Variants in CR1 observed in about 807,000 individuals in gnomAD.
The protein encoded by CR1 is complement C3b/C4b receptor 1 (Knops blood group), also known as complement receptor type 1.
A neutral mutation model predicts 187.3 loss-of-function variants in CR1; 116 were observed. The observed-to-expected ratio is 0.62, with a 90% CI of 0.53 to 0.72. The LOEUF is 0.72. CR1 is among the 30% of genes least tolerant of loss of function. CR1 has a pLI of 0.00. For synonymous variants in CR1, 576 were observed against 747.1 expected, an observed-to-expected ratio of 0.77 and a Z score of 3.73; for missense variants, 1,731 against 2,110.7, an observed-to-expected ratio of 0.82 and a Z score of 3.52.
chr1:207,632,667 G>A (rs937169858), intron 46 of CR1, among the ~76,000 whole-genome samples: 9 of 151,982 alleles, frequency 5.9e-5, no homozygotes, highest in South Asian at 2.1e-4. Context: ...GCGTGGTGGT[G>A]GGCGCCTGTA....
chr1:207,612,527 T>C (rs1267786930), intron 39 of CR1, among the ~76,000 whole-genome samples: 1 of 152,244 alleles, frequency 6.6e-6, no homozygotes, highest in Non-Finnish European at 1.5e-5. Context: ...GCCAGTGTAA[T>C]TCTTTTAATG....
intron 3 of CR1, among the ~76,000 whole-genome samples, chr1:207,508,191 T>C (rs1347516773): frequency 6.6e-6 from 1 of 152,188 alleles, no homozygotes; most frequent in African/African-American, 2.4e-5. Context: ...GTAGTGAAAC[T>C]ACTCTGTATG....
At chr1:207,607,176 T>C in intron 35 of CR1, 75 bp from the exon 36 acceptor site, 1 of 1,154,638 alleles carries the variant, frequency 8.7e-7, no homozygotes, top group Non-Finnish European at 1.3e-6. Flanking sequence ...AATGTCTACC[T>C]GCTATTATTT....
At chr1:207,501,384 T>C (rs1659263967) in intron 1 of CR1, among the ~76,000 whole-genome samples, 1 of 152,234 alleles carries the variant, frequency 6.6e-6, no homozygotes, top group Non-Finnish European at 1.5e-5. Flanking sequence ...CAAATACTCA[T>C]CAATCATTGT....
intron 46 of CR1, among the ~76,000 whole-genome samples, chr1:207,636,490 T>C (rs115922103): frequency 0.038 from 5,808 of 152,252 alleles, 179 homozygotes; most frequent in South Asian, 0.12. Context: ...CTGGAAACGA[T>C]GGTCTAAGTT....
At chr1:207,614,605 A>T in intron 40 of CR1, 116 bp downstream of exon 40, 2 of 716,824 alleles carry the variant, frequency 2.8e-6, no homozygotes, top group Non-Finnish European at 4.5e-6. Context: ...TTATGGATAA[A>T]AATACTTCTT....
intron 42 of CR1, among the ~76,000 whole-genome samples, chr1:207,619,036 C>CAAAAAAAA (rs71727231): frequency 2.6e-5 from 1 of 38,456 alleles, no homozygotes; most frequent in Non-Finnish European, 7.7e-5. Flanking sequence ...GACTCCGTCT[C>CAAAAAAAA]AAAAAAAAAA....
At chr1:207,498,864 C>T (rs1280363690) in intron 1 of CR1, among the ~76,000 whole-genome samples, 6 of 21,012 alleles carry the variant, frequency 2.9e-4, no homozygotes, top group Non-Finnish European at 4.4e-4. Context: ...GGTGACAGAG[C>T]GCAACTCCAA....
At position 207,526,789 on chromosome 1, in the gene CR1, G is replaced by A. The variant is rs367704854; in HGVS notation, c.923G>A (p.Arg308His). 70 of 1,514,702 alleles carry A rather than the reference G, an allele frequency of 4.6e-5. 11 individuals carry two copies. The highest frequency in any genetic ancestry group is 1.4e-4 in the East Asian group (6 of 41,850). 93.8% of individuals were successfully genotyped at this position (1,514,702 alleles called of 1,614,324 possible). Residue 308 changes from arginine (R) to histidine (H), a missense_variant, in exon 6 of 47, where the codon CGT becomes CAT. Transcript: ENST00000367049. ...CCTCCAGATGTCCTGCATGCTGAGC[G>A]TACCCAAAGGGACAAGGACAACTTT... ...QPPPDVLHAE[R>H]TQRDKDNFSP...
intron 24 of CR1, 57 bp from the exon 25 acceptor site, chr1:207,567,767 C>T: frequency 1.2e-6 from 2 of 1,607,166 alleles, no homozygotes; most frequent in Non-Finnish European, 1.7e-6. Flanking sequence ...CCTGTAATTG[C>T]AGAATACCTC....
intron 40 of CR1, among the ~76,000 whole-genome samples, chr1:207,615,089 G>A (rs1439542420): frequency 6.6e-6 from 1 of 152,140 alleles, no homozygotes; most frequent in East Asian, 1.9e-4. Flanking sequence ...GATTACAAGT[G>A]CGAGCCACCA....
At chr1:207,500,020 C>T (rs1301408242) in intron 1 of CR1, among the ~76,000 whole-genome samples, 1 of 152,156 alleles carries the variant, frequency 6.6e-6, no homozygotes. Flanking sequence ...TTGTCAGAGG[C>T]ATTAAGTAGA....
chr1:207,525,996 T>C (rs1434761793), intron 5 of CR1, among the ~76,000 whole-genome samples: 2 of 152,126 alleles, frequency 1.3e-5, no homozygotes, highest in Non-Finnish European at 2.9e-5. Context: ...TGTAATTTAG[T>C]TGAGATCCAA....
chr1:207,617,462 A>T (rs56052973), intron 41 of CR1, among the ~76,000 whole-genome samples: 1 of 123,060 alleles, frequency 8.1e-6, no homozygotes, highest in African/African-American at 2.9e-5. Context: ...CACATTGTGC[A>T]TATGTACCCT....
At position 207,617,507 on chromosome 1, in the gene CR1, A is replaced by ATATATATATATATATGTG. The variant is rs1332301171; in HGVS notation, c.6890-563_6890-562insATATATATATATATGTGT. Among the ~76,000 whole-genome samples the ATATATATATATATATGTG allele has an allele frequency of 8.7e-4, 41 of 47,028 alleles. 1 individual carries two copies. The highest frequency in any genetic ancestry group is 8.7e-4 in the Non-Finnish European group (18 of 20,670). 30.9% of individuals were successfully genotyped at this position (47,028 alleles called of 152,430 possible). A position where few individuals can be genotyped will look rare whatever the true frequency, so the allele number is the denominator to read the frequency against. On this transcript the variant is annotated intron_variant, in intron 41 of 46. Transcript: ENST00000367049. The stretch of plus-strand genomic sequence containing the variant: ...AGTATATATATATATATATATATAT[A>ATATATATATATATATGTG]TGTGTGTGTGTGTGTGTGTGTGTGT...
chr1:207,605,152 C>T (rs891388562), intron 35 of CR1, among the ~76,000 whole-genome samples: 4 of 150,764 alleles, frequency 2.7e-5, no homozygotes, highest in African/African-American at 9.8e-5. Context: ...CCCAGCTACT[C>T]GGGAGGCTAA....
intron 35 of CR1, among the ~76,000 whole-genome samples, chr1:207,598,388 G>A (rs1661507600): frequency 6.6e-6 from 1 of 151,156 alleles, no homozygotes; most frequent in African/African-American, 2.4e-5. Context: ...TTAAGATATT[G>A]ATACTTGGTC....
intron 35 of CR1, among the ~76,000 whole-genome samples, chr1:207,604,177 T>C (rs898805612): frequency 6.6e-6 from 1 of 152,238 alleles, no homozygotes; most frequent in African/African-American, 2.4e-5. Flanking sequence ...CATATGTTCA[T>C]TTGACTATTT....
intron 4 of CR1, among the ~76,000 whole-genome samples, chr1:207,514,332 A>C (rs775799502): frequency 3.3e-5 from 5 of 152,094 alleles, no homozygotes; most frequent in Non-Finnish European, 7.4e-5. Context: ...TAGTATATTC[A>C]CAAAGTTGTG....
Sources: allele counts gnomAD v4.1 joint callset (sites outside exome capture counted in the v4.1 genomes callset), GRCh38; gene constraint gnomAD v4.1.1; transcripts MANE v1.5; gene names NCBI Gene and HGNC (gene_info 2026-07-23, HGNC 2026-07-21).